Variants in GFRA1 observed in about 807,000 individuals in gnomAD.
GFRA1 encodes the protein GDNF family receptor alpha 1, also known as GDNF family receptor alpha-1.
Under a neutral mutation model 51.6 loss-of-function variants are expected in GFRA1, and 16 were observed. The ratio of observed to expected loss-of-function variants is 0.31; its 90% CI spans 0.21 to 0.47. The LOEUF (loss-of-function observed/expected upper bound fraction) is 0.47, where lower values mean the gene tolerates loss of function less well. Among genes scored for constraint, GFRA1 ranks in the 20% least tolerant of loss-of-function variants. The pLI, the probability that GFRA1 is intolerant of heterozygous loss-of-function variation, is 1.00. For missense variants in GFRA1, 530 were observed against 594.3 expected (o/e 0.89, Z 1.13); for synonymous variants, 270 against 241.3 (o/e 1.12, Z -1.10).
chr10:116,258,416 T>TTAAC (rs1969053941), intron 4 of GFRA1, among the ~76,000 whole-genome samples: 1 of 146,982 alleles, frequency 6.8e-6, no homozygotes, highest in Non-Finnish European at 1.5e-5. Flanking sequence ...ATTATATTAA[T>TTAAC]AAAATAAATA....
intron 4 of GFRA1, among the ~76,000 whole-genome samples, chr10:116,239,215 C>T (rs1183014383): frequency 6.6e-6 from 1 of 152,182 alleles, no homozygotes; most frequent in East Asian, 1.9e-4. Context: ...CACTGTTAGG[C>T]ATTGCATGAC....
At chr10:116,166,534 G>A (rs1234114778) in intron 5 of GFRA1, among the ~76,000 whole-genome samples, 2 of 151,972 alleles carry the variant, frequency 1.3e-5, no homozygotes, top group African/African-American at 4.8e-5. Flanking sequence ...AAACACATTC[G>A]GATCTCCTTT....
At chr10:116,112,159 G>C (rs555459059) in intron 6 of GFRA1, among the ~76,000 whole-genome samples, 3 of 151,800 alleles carry the variant, frequency 2.0e-5, no homozygotes, top group Non-Finnish European at 2.9e-5. Flanking sequence ...ATTTCCATTC[G>C]ATTTTGTCCA....
upstream of GFRA1, among the ~76,000 whole-genome samples, chr10:116,274,203 C>A (rs1482104482): frequency 7.4e-6 from 1 of 134,542 alleles, no homozygotes; most frequent in Non-Finnish European, 1.7e-5. Flanking sequence ...CCTTCCCGCA[C>A]GCCGGGGGGC....
intron 5 of GFRA1, among the ~76,000 whole-genome samples, chr10:116,132,737 A>C (rs3781531): frequency 9.2e-5 from 14 of 152,020 alleles, no homozygotes; most frequent in African/African-American, 2.7e-4. Flanking sequence ...TTGATCCTCT[A>C]TATCTATTGA....
chr10:116,112,796 C>G (rs1957263158), intron 6 of GFRA1, among the ~76,000 whole-genome samples: 1 of 152,238 alleles, frequency 6.6e-6, no homozygotes, highest in Non-Finnish European at 1.5e-5. Flanking sequence ...TCTAATTACT[C>G]AACCCATTTC....
At chr10:116,138,637 C>T (rs554209340) in intron 5 of GFRA1, among the ~76,000 whole-genome samples, 1 of 127,102 alleles carries the variant, frequency 7.9e-6, no homozygotes, top group Non-Finnish European at 1.7e-5. Flanking sequence ...TGGTAGGAAC[C>T]CCCCCCCGAC....
intron 5 of GFRA1, among the ~76,000 whole-genome samples, chr10:116,172,835 G>C (rs907046107): frequency 2.6e-5 from 4 of 152,156 alleles, no homozygotes; most frequent in Non-Finnish European, 2.9e-5. Context: ...GAGCAGACCC[G>C]CTGGCTCAGT....
At chr10:116,138,875 G>C (rs1958445610) in intron 5 of GFRA1, among the ~76,000 whole-genome samples, 1 of 152,182 alleles carries the variant, frequency 6.6e-6, no homozygotes, top group Admixed American at 6.5e-5. Context: ...TATAACTCTT[G>C]TTAGATTCCC....
intron 6 of GFRA1, among the ~76,000 whole-genome samples, chr10:116,112,094 A>G (rs1957236249): frequency 6.6e-6 from 1 of 152,226 alleles, no homozygotes; most frequent in African/African-American, 2.4e-5. Context: ...ATAATACTGT[A>G]TTTGTAGCTA....
intron 9 of GFRA1, among the ~76,000 whole-genome samples, chr10:116,085,641 G>A (rs1956069450): frequency 6.6e-6 from 1 of 152,098 alleles, no homozygotes; most frequent in Non-Finnish European, 1.5e-5. Flanking sequence ...AAATCAGCTG[G>A]AGGGACCACA....
chr10:116,105,690 G>A (rs1292106807), intron 6 of GFRA1, among the ~76,000 whole-genome samples: 1 of 152,202 alleles, frequency 6.6e-6, no homozygotes, highest in Non-Finnish European at 1.5e-5. Context: ...CATGCCCCTG[G>A]CTGGATGAAA....
intron 9 of GFRA1, among the ~76,000 whole-genome samples, chr10:116,069,714 C>T (rs929211435): frequency 6.6e-6 from 1 of 152,206 alleles, no homozygotes; most frequent in Non-Finnish European, 1.5e-5. Context: ...CTGCTTTTTA[C>T]CCCAGTGATT....
chr10:116,108,983 G>A (rs183500539), intron 6 of GFRA1, among the ~76,000 whole-genome samples: 3 of 152,304 alleles, frequency 2.0e-5, no homozygotes, highest in African/African-American at 7.2e-5. Flanking sequence ...TGGTGCTGAA[G>A]GTTCAGCAAC....
At chr10:116,271,734 C>G (rs140689450) in intron 2 of GFRA1, among the ~76,000 whole-genome samples, 2,149 of 152,312 alleles carry the variant, frequency 0.014, 43 homozygotes, top group African/African-American at 0.049. Flanking sequence ...TGGAGGGCTT[C>G]TTAGTCCCCC....
intron 6 of GFRA1, among the ~76,000 whole-genome samples, chr10:116,097,563 G>T (rs1184879301): frequency 1.3e-5 from 2 of 152,218 alleles, no homozygotes; most frequent in African/African-American, 4.8e-5. Context: ...GCGGAGAAGA[G>T]GGCCCTTTGT....
At chr10:116,260,977 T>G (rs1465319111) in intron 4 of GFRA1, among the ~76,000 whole-genome samples, 1 of 152,038 alleles carries the variant, frequency 6.6e-6, no homozygotes, top group Non-Finnish European at 1.5e-5. Context: ...CCCTGAAGGG[T>G]GCCAAGAAAT....
At chr10:116,266,490 C>A (rs1316445521) in intron 4 of GFRA1, among the ~76,000 whole-genome samples, 1 of 152,202 alleles carries the variant, frequency 6.6e-6, no homozygotes, top group East Asian at 1.9e-4. Flanking sequence ...CTCCATTTGG[C>A]TTTACTATCC....
intron 5 of GFRA1, among the ~76,000 whole-genome samples, chr10:116,137,758 A>C (rs1159407286): frequency 6.6e-6 from 1 of 152,204 alleles, no homozygotes; most frequent in Non-Finnish European, 1.5e-5. Context: ...AAGGAAGAAG[A>C]AATGTCCATC....
Sources: gnomAD v4.1 joint callset for allele counts (sites outside exome capture counted in the v4.1 genomes callset) on GRCh38, gnomAD v4.1.1 for gene constraint, MANE v1.5 for transcripts, NCBI Gene and HGNC (gene_info 2026-07-23, HGNC 2026-07-21) for gene names.